Variants in UPRT observed in about 807,000 individuals in gnomAD.
UPRT encodes uracil phosphoribosyltransferase homolog, also known as RP11-311P8.3.
Under a neutral mutation model 22.6 loss-of-function variants are expected in UPRT, and 5 were observed. The observed-to-expected ratio is 0.22, with a 90% confidence interval of 0.12 to 0.47. The LOEUF is 0.47. Ranked by LOEUF, UPRT falls within the 20% of genes least tolerant of loss-of-function variation. UPRT has a pLI of 0.99. For missense variants in UPRT, 181 were observed against 239.9 expected (o/e 0.75, Z 1.62); for synonymous variants, 77 against 87.7 (o/e 0.88, Z 0.68).
At chrX:75,196,814 T>C (rs1424699297) in intron 4 of UPRT, among the ~76,000 whole-genome samples, 2 of 111,217 alleles carry the variant, frequency 1.8e-5, no homozygotes, top group African/African-American at 6.5e-5. Flanking sequence ...GCCACTGCAC[T>C]CCAGCCTGGG....
At chrX:75,189,183 C>CT (rs2082306440) in intron 4 of UPRT, among the ~76,000 whole-genome samples, 2 of 111,939 alleles carry the variant, frequency 1.8e-5, no homozygotes, top group Admixed American at 1.9e-4. Flanking sequence ...TATGTTGTGT[C>CT]TTTTTTCTCA....
At chrX:75,199,916 G>T (rs1037645890) in intron 4 of UPRT, among the ~76,000 whole-genome samples, 12 of 111,516 alleles carry the variant, frequency 1.1e-4, no homozygotes, top group African/African-American at 3.6e-4. Context: ...GTTTTCATCT[G>T]CATTTCTCTA....
intron 4 of UPRT, among the ~76,000 whole-genome samples, chrX:75,234,500 A>G (rs1242806355): frequency 9.0e-6 from 1 of 111,544 alleles, no homozygotes; most frequent in Non-Finnish European, 1.9e-5. Flanking sequence ...TCAGCACCAC[A>G]CCACACCTAT....
At chrX:75,184,925 C>G (rs1048758921) in intron 4 of UPRT, among the ~76,000 whole-genome samples, 2 of 111,198 alleles carry the variant, frequency 1.8e-5, no homozygotes, top group African/African-American at 3.3e-5. Flanking sequence ...TTTGGGCTCA[C>G]ACAATGGGGT....
rs371865828 is a variant in UPRT at position 75,274,479 on chromosome X, C to T, written c.225C>T (p.Asn75=). The change falls in exon 1 of 7, where the codon AAC becomes AAT. Residue 75 remains asparagine, a synonymous_variant. Transcript: ENST00000373383. ...GGGCCTGCGGCGGCTCCAGCCTCAA[C>T]TCAGAGGGCAACAGTGGTAGTGGTG... ...DSGACGGSSL[N]SEGNSGSGDS... 42 of 1,209,988 alleles carry T rather than the reference C, an allele frequency of 3.5e-5. No homozygotes were observed. The highest frequency in any genetic ancestry group is 4.4e-5 in the Non-Finnish European group (39 of 895,263).
At chrX:75,175,035 C>T (rs1372674110) in intron 4 of UPRT, among the ~76,000 whole-genome samples, 1 of 110,418 alleles carries the variant, frequency 9.1e-6, no homozygotes, top group Admixed American at 9.7e-5. Context: ...TTCTCTCTTT[C>T]CTTCTTTCTG....
intron 4 of UPRT, among the ~76,000 whole-genome samples, chrX:75,260,693 A>C (rs938804866): frequency 2.7e-5 from 3 of 111,820 alleles, no homozygotes; most frequent in African/African-American, 9.8e-5. Flanking sequence ...AGACAGATCA[A>C]TGAGATAGAA....
intron 4 of UPRT, among the ~76,000 whole-genome samples, chrX:75,258,313 C>G (rs777311698): frequency 3.7e-5 from 4 of 107,723 alleles, no homozygotes; most frequent in Non-Finnish European, 7.7e-5. Context: ...GCCAGGGAGC[C>G]AACTGGTCTG....
At chrX:75,244,406 G>T (rs1240117394) in intron 4 of UPRT, among the ~76,000 whole-genome samples, 1 of 111,900 alleles carries the variant, frequency 8.9e-6, no homozygotes, top group African/African-American at 3.2e-5. Context: ...TACAGAAATA[G>T]AAGAAACTAT....
intron 4 of UPRT, among the ~76,000 whole-genome samples, chrX:75,228,196 G>A (rs2082428630): frequency 8.9e-6 from 1 of 111,763 alleles, no homozygotes; most frequent in South Asian, 3.8e-4. Context: ...GATTGAGACA[G>A]CCCTTCAAAG....
chrX:75,284,330 G>T (rs764137439), intron 1 of UPRT, among the ~76,000 whole-genome samples: 1 of 111,231 alleles, frequency 9.0e-6, no homozygotes, highest in East Asian at 2.8e-4. Context: ...TGGATCCATT[G>T]CTGGTGAACT....
chrX:75,188,377 C>G (rs1451324174), intron 4 of UPRT, among the ~76,000 whole-genome samples: 3 of 112,043 alleles, frequency 2.7e-5, no homozygotes, highest in African/African-American at 9.7e-5. Context: ...GCAGTCTGCC[C>G]GTTCTCAGAT....
rs772634052 is a variant in UPRT at position 75,303,401 on chromosome X, G to A, written c.824-4G>A. On this transcript the variant is annotated splice_region_variant and splice_polypyrimidine_tract_variant and intron_variant, in intron 6 of 6. Transcript: ENST00000373383. Reference sequence around the variant, plus strand: ...CTACCATAATAACTTTTGTTTTTTTGAAGGTGCCAAATCAATCATTCAGGA... The same window carrying A: ...CTACCATAATAACTTTTGTTTTTTTAAAGGTGCCAAATCAATCATTCAGGA... The A allele has an allele frequency of 1.3e-5, 16 of 1,195,511 alleles. No individual in the cohort carries two copies. Among genetic ancestry groups the A allele is most frequent in the Non-Finnish European group, 1.8e-5 (16 of 887,394 alleles).
At chrX:75,213,206 G>A (rs1381020967) in intron 4 of UPRT, among the ~76,000 whole-genome samples, 1 of 111,968 alleles carries the variant, frequency 8.9e-6, no homozygotes, top group Non-Finnish European at 1.9e-5. Context: ...ATACATGATA[G>A]AGCCAAAGTA....
chrX:75,191,063 G>T (rs1375735272), intron 4 of UPRT, among the ~76,000 whole-genome samples: 2 of 111,658 alleles, frequency 1.8e-5, no homozygotes, highest in African/African-American at 6.5e-5. Flanking sequence ...CTGATTTTTA[G>T]AATTTTCAGC....
rs147393444 is a variant in UPRT, at chrX:75,226,617, G to A, written c.-447+58738G>A. Among the ~76,000 whole-genome samples, 36 of 111,126 alleles carry A rather than the reference G, an allele frequency of 3.2e-4. 1 individual carries two copies. The East Asian group carries it at 0.01, about 32-fold the overall frequency. ...CTGCCAGAAATACTTTCCCGAGATTGCATTCTTATCTACTTCAGGTCTTTG... is the reference window on the plus strand; with the variant it reads ...CTGCCAGAAATACTTTCCCGAGATTACATTCTTATCTACTTCAGGTCTTTG... On this transcript the variant is annotated intron_variant, in intron 4 of 13. Transcript: ENST00000652605.
At chrX:75,217,004 T>A (rs1316174891) in intron 4 of UPRT, among the ~76,000 whole-genome samples, 1 of 111,744 alleles carries the variant, frequency 8.9e-6, no homozygotes, top group Non-Finnish European at 1.9e-5. Context: ...TCCGCCTGCC[T>A]CGGCCTCCCA....
intron 1 of UPRT, among the ~76,000 whole-genome samples, chrX:75,283,496 G>A (rs1434372399): frequency 9.0e-6 from 1 of 111,332 alleles, no homozygotes; most frequent in African/African-American, 3.3e-5. Context: ...GCTTGATAAT[G>A]GTGAATTCTC....
At chrX:75,237,267 T>G (rs1333996749) in intron 4 of UPRT, among the ~76,000 whole-genome samples, 7 of 111,754 alleles carry the variant, frequency 6.3e-5, no homozygotes, top group African/African-American at 2.3e-4. Flanking sequence ...TCACACCAGT[T>G]AGAATGGCAA....
Sources: gnomAD v4.1 joint callset for allele counts (sites outside exome capture counted in the v4.1 genomes callset) on GRCh38, gnomAD v4.1.1 for gene constraint, MANE v1.5 for transcripts, NCBI Gene and HGNC (gene_info 2026-07-23, HGNC 2026-07-21) for gene names.